NEK6: variants seen among roughly 807,000 people sequenced by gnomAD.
NEK6 encodes serine/threonine-protein kinase Nek6.
NEK6 carries 27 observed loss-of-function variants against 43.5 expected under a neutral mutation model. The observed-to-expected ratio is 0.62, with a 90% confidence interval of 0.46 to 0.86. The LOEUF is 0.86. Ranked by LOEUF, NEK6 falls within the 40% of genes least tolerant of loss-of-function variation. NEK6 has a pLI of 0.00. For missense variants in NEK6, 318 were observed against 414.4 expected, an observed-to-expected ratio of 0.77 and a Z score of 2.02; for synonymous variants, 167 against 164.1, an observed-to-expected ratio of 1.02 and a Z score of -0.14.
Position 124,302,007 on chromosome 9 carries a change from A to T in NEK6, c.43A>T (p.Asn15Tyr). ...PGHMPHGGSS[N>Y]NLCHTLGPVH... ...CCACATGCCCCATGGAGGGAGTTCC[A>T]ACAACCTCTGCCACACCCTGGGGCC... Residue 15 changes from asparagine to tyrosine, a missense_variant, in exon 2 of 10, where the codon AAC becomes TAC. By Grantham distance (143) the Asn-to-Tyr change is moderately radical. Transcript: ENST00000320246. 6.2e-7 allele frequency: 1 copy of T among 1,606,482 alleles called. No individual in the cohort carries two copies. The highest frequency in any genetic ancestry group is 8.5e-7 in the Non-Finnish European group (1 of 1,176,582).
chr9:124,308,455 C>G (rs1372400070), intron 2 of NEK6, among the ~76,000 whole-genome samples: 1 of 152,096 alleles, frequency 6.6e-6, no homozygotes, highest in African/African-American at 2.4e-5. Flanking sequence ...TGTTCAAGAC[C>G]AGCCTGGCCA....
At chr9:124,292,503 A>G in intron 1 of NEK6, 1 of 1,537,078 alleles carries the variant, frequency 6.5e-7, no homozygotes, top group Non-Finnish European at 8.7e-7. Flanking sequence ...CATGGAGGCC[A>G]CTGGATGGGA....
intron 1 of NEK6, among the ~76,000 whole-genome samples, chr9:124,286,854 G>C (rs537285107): frequency 1.3e-5 from 2 of 152,342 alleles, no homozygotes; most frequent in East Asian, 3.9e-4. Context: ...CCCTCTCTGA[G>C]CTTTAGTTCC....
At chr9:124,293,566 A>C (rs530652563) in intron 1 of NEK6, among the ~76,000 whole-genome samples, 9 of 152,328 alleles carry the variant, frequency 5.9e-5, no homozygotes, top group South Asian at 4.1e-4. Flanking sequence ...ATTTTCAAAA[A>C]GGCCCTGGGA....
intron 1 of NEK6, among the ~76,000 whole-genome samples, chr9:124,270,257 A>G (rs1457739076): frequency 6.6e-6 from 1 of 152,182 alleles, no homozygotes; most frequent in Non-Finnish European, 1.5e-5. Context: ...GGCCTGGCAC[A>G]CAAGACGGCA....
intron 1 of NEK6, among the ~76,000 whole-genome samples, chr9:124,295,080 G>T (rs988687174): frequency 4.2e-4 from 64 of 152,334 alleles, no homozygotes; most frequent in African/African-American, 1.4e-3. Flanking sequence ...TGATGCTGCA[G>T]GCCCACCCTG....
chr9:124,341,885 C>T (rs1294269630), intron 8 of NEK6, among the ~76,000 whole-genome samples: 2 of 152,142 alleles, frequency 1.3e-5, no homozygotes, highest in African/African-American at 4.8e-5. Context: ...CTGCACATTC[C>T]GAACAGCCCC....
chr9:124,289,707 G>C (rs1832323250), intron 1 of NEK6, among the ~76,000 whole-genome samples: 1 of 152,218 alleles, frequency 6.6e-6, no homozygotes, highest in African/African-American at 2.4e-5. Context: ...TTAAATACAG[G>C]ATCCCCAGTT....
Position 124,327,420 on chromosome 9 carries a change from T to G in NEK6, c.597T>G (p.Ser199=). ...GDLGLGRFFS[S]ETTAAHSLVG... ...TTGGTCTGGGCCGCTTCTTCAGCTC[T>G]GAGACCACCGCAGCCCACTCCCTAG... is the stretch of plus-strand genomic sequence containing the variant. Residue 199 remains serine, a synonymous_variant, in exon 7 of 10, where the codon TCT becomes TCG. Transcript: ENST00000320246. 1 of 1,613,256 alleles carries G rather than the reference T, an allele frequency of 6.2e-7. No homozygotes were observed. The highest frequency in any genetic ancestry group is 8.5e-7 in the Non-Finnish European group (1 of 1,179,966).
chr9:124,318,196 G>T (rs1297762940), intron 4 of NEK6, among the ~76,000 whole-genome samples: 1 of 151,912 alleles, frequency 6.6e-6, no homozygotes, highest in Non-Finnish European at 1.5e-5. Flanking sequence ...GTTATTTTTT[G>T]ACTTCGTAAT....
At chr9:124,287,290 C>T (rs541575782) in intron 1 of NEK6, among the ~76,000 whole-genome samples, 1 of 152,224 alleles carries the variant, frequency 6.6e-6, no homozygotes, top group Non-Finnish European at 1.5e-5. Context: ...AGGGGCCAGC[C>T]TGGTTGGGCC....
chr9:124,345,644 G>A (rs765354852), intron 8 of NEK6, among the ~76,000 whole-genome samples: 58 of 151,990 alleles, frequency 3.8e-4, no homozygotes, highest in Non-Finnish European at 6.3e-4. Flanking sequence ...TCCTCTCCGG[G>A]GTCAGCCACA....
intron 7 of NEK6, 84 bp downstream of exon 7, chr9:124,327,529 G>A (rs1041499771): frequency 9.4e-7 from 1 of 1,062,870 alleles, no homozygotes; most frequent in Non-Finnish European, 1.4e-6. Flanking sequence ...CCCCACGTGT[G>A]TTTGGTCAGT....
At chr9:124,258,747 C>T (rs913623120) in intron 1 of NEK6, among the ~76,000 whole-genome samples, 1 of 152,200 alleles carries the variant, frequency 6.6e-6, no homozygotes, top group African/African-American at 2.4e-5. Flanking sequence ...AACCAGGGGC[C>T]AGGAGGGCAG....
chr9:124,338,964 C>A (rs1829433643), intron 7 of NEK6, among the ~76,000 whole-genome samples: 1 of 152,064 alleles, frequency 6.6e-6, no homozygotes, highest in Non-Finnish European at 1.5e-5. Flanking sequence ...GAGGCATCCC[C>A]TTCCCCTGGG....
chr9:124,341,035 C>G (rs1438630549), intron 8 of NEK6, among the ~76,000 whole-genome samples: 3 of 152,220 alleles, frequency 2.0e-5, no homozygotes. Context: ...GTTTAAACTT[C>G]ACAGCATCTT....
In NEK6 at chr9:124,343,400, T is replaced by C. The variant is rs898503855; in HGVS notation, c.717+3735T>C. Among the ~76,000 whole-genome samples the C allele has an allele frequency of 6.6e-6, 1 of 151,986 alleles. No homozygotes were observed. Among genetic ancestry groups the C allele is most frequent in the Non-Finnish European group, 1.5e-5 (1 of 67,956 alleles). On this transcript the variant is annotated intron_variant, in intron 8 of 9. Coordinates refer to ENST00000320246, the MANE Select transcript of NEK6 (RefSeq NM_014397.6). This position sits in a 1 kb window ranked among gnomAD's most constrained non-coding sequence, Gnocchi z 5.1. The stretch of plus-strand genomic sequence containing the variant: ...CACAGCAGTCAAGCCCTGAGGGGAT[T>C]AGCGTCCTCAGGGACATCAGGCGCT...
intron 1 of NEK6, among the ~76,000 whole-genome samples, chr9:124,269,301 T>C (rs1012349259): frequency 6.6e-6 from 1 of 152,034 alleles, no homozygotes; most frequent in African/African-American, 2.4e-5. Context: ...TGTGCCGTGC[T>C]ACTCTAGGGG....
chr9:124,319,353 G>T (rs567108968), intron 4 of NEK6, among the ~76,000 whole-genome samples: 2 of 151,878 alleles, frequency 1.3e-5, no homozygotes, highest in East Asian at 3.9e-4. Flanking sequence ...CTGGACATTA[G>T]TCCTTTGTCA....
Sources: allele counts gnomAD v4.1 joint callset (sites outside exome capture counted in the v4.1 genomes callset), GRCh38; gene constraint gnomAD v4.1.1; non-coding constraint Gnocchi (gnomAD v3.1); transcripts MANE v1.5; gene names NCBI Gene and HGNC (gene_info 2026-07-23, HGNC 2026-07-21).